Variants in LUZP2 observed in about 807,000 individuals in gnomAD.
LUZP2 encodes leucine zipper protein 2.
A neutral mutation model predicts 51.6 loss-of-function variants in LUZP2; 52 were observed. The observed-to-expected ratio is 1.01, with a 90% confidence interval of 0.81 to 1.27. The LOEUF is 1.27. Among genes scored for constraint, LUZP2 ranks in the 50% most tolerant of loss-of-function variants. The probability of loss-of-function intolerance (pLI) is 0.00; values close to 1 mark genes in which losing one functional copy is unlikely to be tolerated. For missense variants in LUZP2, 436 were observed against 395.4 expected (o/e 1.10, Z -0.87); for synonymous variants, 154 against 137.3 (o/e 1.12, Z -0.85).
chr11:24,881,744 T>C (rs7935474), intron 5 of LUZP2, among the ~76,000 whole-genome samples: 63,809 of 151,788 alleles, frequency 0.42, 15,449 homozygotes, highest in East Asian at 0.65. Context: ...TTCAATAAAA[T>C]GAAATATTTT....
At chr11:24,843,497 A>G (rs1267187423) in intron 5 of LUZP2, among the ~76,000 whole-genome samples, 1 of 152,220 alleles carries the variant, frequency 6.6e-6, no homozygotes, top group Non-Finnish European at 1.5e-5. Flanking sequence ...GCAACATTTT[A>G]AAGTTATAAT....
At position 24,866,113 on chromosome 11, in the gene LUZP2, TACACAC is replaced by T. The variant is rs60308723; in HGVS notation, c.397-39843_397-39838del. ...CGTGAGTCTCCCGGCCTGCATTTCA[TACACAC>T]ACACACACACACACACACACACACA... On this transcript the variant is annotated intron_variant, in intron 5 of 11. Coordinates refer to ENST00000336930, the MANE Select transcript of LUZP2 (RefSeq NM_001009909.4). Among the ~76,000 whole-genome samples the T allele has an allele frequency of 7.8e-3, 1,147 of 146,812 alleles. 7 individuals are homozygous for T. Among genetic ancestry groups the T allele is most frequent in the African/African-American group, 0.016 (617 of 38,762 alleles).
Position 24,963,888 on chromosome 11 carries a change from G to T in LUZP2, c.523-12703G>T, listed in dbSNP as rs527622262. Among the ~76,000 whole-genome samples, 105 of 152,260 alleles carry T rather than the reference G, an allele frequency of 6.9e-4. 1 individual carries two copies. The highest frequency in any genetic ancestry group is 1.3e-3 in the Non-Finnish European group (86 of 68,030). On this transcript the variant is annotated intron_variant, in intron 7 of 11. Coordinates refer to ENST00000336930, the MANE Select transcript of LUZP2 (RefSeq NM_001009909.4). ...ATGCTGGGAGCTGTAGACCGGAGCT[G>T]TTCCTATTTGGCCATCTTGGCTCCT... is the stretch of plus-strand genomic sequence containing the variant.
intron 9 of LUZP2, among the ~76,000 whole-genome samples, chr11:25,005,772 C>T (rs1460296573): frequency 1.2e-4 from 19 of 152,248 alleles, no homozygotes; most frequent in Admixed American, 2.0e-4. Flanking sequence ...CCCTTACCAA[C>T]GCATTCTCGA....
chr11:24,665,876 A>C (rs1280339705), intron 1 of LUZP2, among the ~76,000 whole-genome samples: 1 of 152,138 alleles, frequency 6.6e-6, no homozygotes, highest in Non-Finnish European at 1.5e-5. Flanking sequence ...AAGTGAACTA[A>C]TACAATAGTA....
chr11:24,734,643 T>C (rs1386254), intron 3 of LUZP2, among the ~76,000 whole-genome samples: 119,148 of 151,772 alleles, frequency 0.79, 47,121 homozygotes, highest in Admixed American at 0.87. Flanking sequence ...GATGCATTCG[T>C]TTTTTGCTGT....
intron 1 of LUZP2, among the ~76,000 whole-genome samples, chr11:24,715,157 A>C (rs1857987904): frequency 7.7e-6 from 1 of 129,500 alleles, no homozygotes; most frequent in Admixed American, 7.5e-5. Context: ...AATAAAAGTA[A>C]ATGTTTGAAA....
chr11:24,759,182 T>G (rs1199013267), intron 4 of LUZP2, among the ~76,000 whole-genome samples: 2 of 152,290 alleles, frequency 1.3e-5, no homozygotes, highest in South Asian at 2.1e-4. Context: ...TTGTTAATTT[T>G]TATGGCTTAA....
chr11:24,720,685 G>A, intron 1 of LUZP2, among the ~76,000 whole-genome samples: 1 of 151,772 alleles, frequency 6.6e-6, no homozygotes, highest in South Asian at 2.1e-4. Flanking sequence ...ATTCAGACCT[G>A]TTCTTTTGTT....
chr11:24,537,659 T>G (rs926608655), intron 1 of LUZP2, among the ~76,000 whole-genome samples: 2 of 150,602 alleles, frequency 1.3e-5, no homozygotes, highest in African/African-American at 4.9e-5. Context: ...CAAAACGTGT[T>G]AAATTTTGTA....
rs1354526812 is a variant in LUZP2, at chr11:24,806,777, A to G, written c.396+43469A>G. On this transcript the variant is annotated intron_variant, in intron 5 of 11. Transcript: ENST00000336930. ...GAAACAAGACTTTGGAACACAGAAG[A>G]GTTTACCTCAGACAATCTTTGACTA... Among the ~76,000 whole-genome samples, 3 of 152,000 alleles carry G rather than the reference A, an allele frequency of 2.0e-5. No homozygotes were observed. In the East Asian group the frequency reaches 5.8e-4, roughly 29 times the overall value.
chr11:25,044,253 GTGTGTATATATATATATATATA>G (rs1348414904), intron 9 of LUZP2, among the ~76,000 whole-genome samples: 6 of 31,822 alleles, frequency 1.9e-4, no homozygotes, highest in Admixed American at 9.4e-4. Context: ...GTGTGTGTGT[GTGTGTATATATATATATATATA>G]TATATATATA....
intron 5 of LUZP2, among the ~76,000 whole-genome samples, chr11:24,841,288 G>A (rs1851024049): frequency 6.6e-6 from 1 of 152,088 alleles, no homozygotes; most frequent in African/African-American, 2.4e-5. Flanking sequence ...GAAGGTGGCT[G>A]CCTACAAGCA....
At chr11:24,563,161 A>G (rs900930663) in intron 1 of LUZP2, among the ~76,000 whole-genome samples, 1 of 152,198 alleles carries the variant, frequency 6.6e-6, no homozygotes, top group Non-Finnish European at 1.5e-5. Flanking sequence ...GCTACGAACA[A>G]GAATGGGTCT....
chr11:24,661,768 C>T (rs1007973198), intron 1 of LUZP2, among the ~76,000 whole-genome samples: 2 of 151,980 alleles, frequency 1.3e-5, no homozygotes, highest in Non-Finnish European at 2.9e-5. Flanking sequence ...AGTAACTATT[C>T]GTGAACCTAG....
intron 1 of LUZP2, among the ~76,000 whole-genome samples, chr11:24,703,667 A>AT (rs1857481621): frequency 7.1e-6 from 1 of 140,072 alleles, no homozygotes; most frequent in Non-Finnish European, 1.6e-5. Context: ...TACTAAAAAT[A>AT]CAAAAAAAAA....
chr11:24,877,342 G>A (rs1457519467), intron 5 of LUZP2, among the ~76,000 whole-genome samples: 1 of 151,964 alleles, frequency 6.6e-6, no homozygotes, highest in Non-Finnish European at 1.5e-5. Context: ...CTCTGATATA[G>A]ATCTTACTAT....
chr11:24,619,113 C>A (rs2133902203), intron 1 of LUZP2, among the ~76,000 whole-genome samples: 2 of 152,196 alleles, frequency 1.3e-5, no homozygotes, highest in Admixed American at 1.3e-4. Context: ...ACTGTAACCT[C>A]AAACTCCTGG....
intron 4 of LUZP2, among the ~76,000 whole-genome samples, chr11:24,762,339 A>G (rs71476401): frequency 0.075 from 11,463 of 152,214 alleles, 630 homozygotes; most frequent in Non-Finnish European, 0.11. Flanking sequence ...GATGTACTGT[A>G]AGTGTAAAAC....
Sources: gnomAD v4.1 joint callset for allele counts (sites outside exome capture counted in the v4.1 genomes callset) on GRCh38, gnomAD v4.1.1 for gene constraint, MANE v1.5 for transcripts, NCBI Gene and HGNC (gene_info 2026-07-23, HGNC 2026-07-21) for gene names.